The following TOX3 variants were observed in gnomAD, a reference collection of about 807,000 sequenced individuals.
TOX3 encodes the protein TOX high mobility group box family member 3, also known as CAG trinucleotide repeat-containing gene F9 protein.
Under a neutral mutation model 64.3 loss-of-function variants are expected in TOX3, and 22 were observed. The observed-to-expected ratio is 0.34, with a 90% CI of 0.24 to 0.49. The LOEUF is 0.49. Ranked by LOEUF, TOX3 falls within the 20% of genes least tolerant of loss-of-function variation. The pLI, the probability that TOX3 is intolerant of heterozygous loss-of-function variation, is 0.99. For synonymous variants in TOX3, 291 were observed against 273.6 expected, an observed-to-expected ratio of 1.06 and a Z score of -0.63; for missense variants, 661 against 714.4, an observed-to-expected ratio of 0.93 and a Z score of 0.85.
At chr16:52,472,432 A>C (rs184133264) in intron 1 of TOX3, among the ~76,000 whole-genome samples, 103 of 152,306 alleles carry the variant, frequency 6.8e-4, no homozygotes, top group Admixed American at 1.4e-3. Context: ...TTTTCCCTGA[A>C]TCTTTCTTAG....
chr16:52,474,136 T>C (rs547848763), intron 1 of TOX3, among the ~76,000 whole-genome samples: 6 of 152,196 alleles, frequency 3.9e-5, no homozygotes, highest in Admixed American at 3.9e-4. Flanking sequence ...CAGTCTTTGA[T>C]GGGGAAATGA....
intron 1 of TOX3, among the ~76,000 whole-genome samples, chr16:52,508,824 C>T (rs1962228329): frequency 6.6e-6 from 1 of 151,888 alleles, no homozygotes; most frequent in African/African-American, 2.4e-5. Context: ...TTTAAACATG[C>T]TCATAATTTA....
At position 52,439,515 on chromosome 16, in the gene TOX3, G is replaced by C; in HGVS notation, c.1441C>G (p.His481Asp). The change falls in exon 7 of 7, where the codon CAT (histidine) becomes GAT (aspartate). Residue 481 changes from histidine (H) to aspartate (D), a missense_variant. His to Asp is a moderately conservative substitution (Grantham distance 81). Transcript: ENST00000219746. ...TGCTGCTGCATGTGGTGCTGGAAAT[G>C]CTGCTGCTGCATCTGCTGCTGGATT... is the stretch of plus-strand genomic sequence containing the variant. ...QQIQQQMQQQ[H>D]FQHHMQQHLQ... The C allele has an allele frequency of 7.1e-7, 1 of 1,413,058 alleles. No homozygotes were observed. The allele number at this position is 1,413,058 out of a possible 1,614,324, so 87.5% of individuals were successfully genotyped here. A position where few individuals can be genotyped will look rare whatever the true frequency, so the allele number is the denominator to read the frequency against.
At chr16:52,461,767 G>C (rs1164710101) in intron 3 of TOX3, among the ~76,000 whole-genome samples, 1 of 152,042 alleles carries the variant, frequency 6.6e-6, no homozygotes, top group African/African-American at 2.4e-5. Context: ...TATTTTTCTG[G>C]TGACTTTCCT....
At chr16:52,441,924 A>G (rs1960003178) in intron 6 of TOX3, among the ~76,000 whole-genome samples, 1 of 152,180 alleles carries the variant, frequency 6.6e-6, no homozygotes, top group Admixed American at 6.5e-5. Context: ...AAATATTCAA[A>G]TTTGTCTTCA....
intron 3 of TOX3, among the ~76,000 whole-genome samples, chr16:52,455,155 T>C (rs1317164869): frequency 6.6e-6 from 1 of 152,164 alleles, no homozygotes; most frequent in Non-Finnish European, 1.5e-5. Flanking sequence ...AATGTTCCTT[T>C]ATATAGTTTC....
At position 52,450,508 on chromosome 16, in the gene TOX3, A is replaced by T. The variant is rs1960305572; in HGVS notation, c.447T>A (p.Asp149Glu). The T allele has an allele frequency of 6.2e-7, 1 of 1,614,016 alleles. No individual in the cohort carries two copies. The highest frequency in any genetic ancestry group is 8.5e-7 in the Non-Finnish European group (1 of 1,179,890). Residue 149 changes from aspartate (D) to glutamate (E), a missense_variant, in exon 4 of 7, where the codon GAT (aspartate) becomes GAA (glutamate). Transcript: ENST00000219746. ...CGATGGACCGCATGATCAGGGAGGG[A>T]TCCTGCCGGTACTGGGACACTTGTG... ...SHTQVSQYRQ[D>E]PSLIMRSIVH...
intron 5 of TOX3, chr16:52,445,733 T>C (rs1960143708): frequency 5.0e-6 from 2 of 398,540 alleles, no homozygotes; most frequent in East Asian, 4.3e-5. Flanking sequence ...CAAAAGTTTA[T>C]GCTTGCAGGA....
intron 1 of TOX3, among the ~76,000 whole-genome samples, chr16:52,539,076 C>G (rs1816175925): frequency 6.6e-6 from 1 of 152,048 alleles, no homozygotes; most frequent in African/African-American, 2.4e-5. Flanking sequence ...AACAGATTCT[C>G]TAAAATAGTT....
Position 52,546,618 on chromosome 16 carries a change from A to G in TOX3, c.87+19T>C, listed in dbSNP as rs1326392068. 7 of 1,531,886 alleles carry G rather than the reference A, an allele frequency of 4.6e-6. No individual in the cohort carries two copies. The highest frequency in any genetic ancestry group is 6.1e-6 in the Non-Finnish European group (7 of 1,141,704). The allele number at this position is 1,531,886 out of a possible 1,614,324, so 94.9% of individuals were successfully genotyped here. On this transcript the variant is annotated intron_variant, in intron 1 of 6. Transcript: ENST00000219746. ...GGAGGTGGCCCCCGCCCCCCGGCCCACCGGCCCAGCCCGGTCACCTTGCTG... is the reference window on the plus strand; with the variant it reads ...GGAGGTGGCCCCCGCCCCCCGGCCCGCCGGCCCAGCCCGGTCACCTTGCTG...
chr16:52,525,264 G>A (rs1174230438), intron 1 of TOX3, among the ~76,000 whole-genome samples: 3 of 152,072 alleles, frequency 2.0e-5, no homozygotes, highest in Non-Finnish European at 4.4e-5. Flanking sequence ...GTTTGGGGAG[G>A]GGGGTTCTCT....
At chr16:52,513,688 T>C (rs1374790759) in intron 1 of TOX3, among the ~76,000 whole-genome samples, 1 of 152,186 alleles carries the variant, frequency 6.6e-6, no homozygotes, top group Non-Finnish European at 1.5e-5. Flanking sequence ...TGACTTACAA[T>C]TGAGATAGGC....
At position 52,547,115 on chromosome 16, in the gene TOX3, G is replaced by A. The variant is rs1156471333; in HGVS notation, c.-392C>T. On this transcript the variant is annotated 5_prime_UTR_variant, in exon 1 of 7. Transcript: ENST00000219746. The stretch of plus-strand genomic sequence containing the variant: ...GCCCCGCTCCTCCTCCTCCTCCCCG[G>A]GCGGACTGAGGAGACGAGCCGCGGA... The A allele has an allele frequency of 1.4e-5, 3 of 214,258 alleles. No individual in the cohort carries two copies. Among genetic ancestry groups the A allele is most frequent in the African/African-American group, 4.8e-5 (2 of 41,836 alleles). 13.3% of individuals were successfully genotyped at this position (214,258 alleles called of 1,614,324 possible). A position where few individuals can be genotyped will look rare whatever the true frequency, so the allele number is the denominator to read the frequency against.
chr16:52,469,881 G>C (rs570052619), intron 1 of TOX3, among the ~76,000 whole-genome samples: 6 of 152,220 alleles, frequency 3.9e-5, no homozygotes, highest in African/African-American at 1.2e-4. Flanking sequence ...AGGGATCCAA[G>C]AACTAAGCAG....
intron 1 of TOX3, among the ~76,000 whole-genome samples, chr16:52,534,877 T>C (rs45594638): frequency 2.3e-3 from 351 of 152,220 alleles, no homozygotes; most frequent in Non-Finnish European, 3.6e-3. Flanking sequence ...AGGAAAAATT[T>C]TGAAAAGAAG....
At chr16:52,454,285 C>T (rs776819503) in intron 3 of TOX3, among the ~76,000 whole-genome samples, 27 of 152,066 alleles carry the variant, frequency 1.8e-4, no homozygotes, top group Non-Finnish European at 3.5e-4. Flanking sequence ...ATGGAAACCA[C>T]TCCTGAAGAG....
intron 1 of TOX3, among the ~76,000 whole-genome samples, chr16:52,479,754 C>A (rs999626400): frequency 2.6e-5 from 4 of 152,150 alleles, no homozygotes; most frequent in Admixed American, 2.0e-4. Flanking sequence ...CTAGCAGTAT[C>A]CTCTCTTGGG....
At chr16:52,479,151 G>A (rs1961299572) in intron 1 of TOX3, among the ~76,000 whole-genome samples, 1 of 152,184 alleles carries the variant, frequency 6.6e-6, no homozygotes, top group African/African-American at 2.4e-5. Flanking sequence ...TTTCAAACAA[G>A]AGGAGCCACT....
chr16:52,443,484 CT>C (rs1960066917), intron 6 of TOX3, among the ~76,000 whole-genome samples: 1 of 152,054 alleles, frequency 6.6e-6, no homozygotes. Context: ...GGAATGAACC[CT>C]TTTTAAATGG....
Sources: gnomAD v4.1 joint callset for allele counts (sites outside exome capture counted in the v4.1 genomes callset) on GRCh38, gnomAD v4.1.1 for gene constraint, MANE v1.5 for transcripts, NCBI Gene and HGNC (gene_info 2026-07-23, HGNC 2026-07-21) for gene names.